Variants in CDH8 observed in about 807,000 individuals in gnomAD.
The protein encoded by CDH8 is cadherin-8.
Under a neutral mutation model 68.1 loss-of-function variants are expected in CDH8, and 17 were observed. The observed-to-expected ratio is 0.25, with a 90% CI of 0.17 to 0.37. CDH8 has a LOEUF of 0.37. Among genes scored for constraint, CDH8 ranks in the 10% least tolerant of loss-of-function variants. The probability of loss-of-function intolerance (pLI) is 1.00; values close to 1 mark genes in which losing one functional copy is unlikely to be tolerated. For missense variants in CDH8, 763 were observed against 999.3 expected (o/e 0.76, Z 3.19); for synonymous variants, 372 against 365.1 (o/e 1.02, Z -0.21).
At chr16:61,800,547 C>T (rs555425231) in intron 7 of CDH8, among the ~76,000 whole-genome samples, 1 of 152,262 alleles carries the variant, frequency 6.6e-6, no homozygotes, top group African/African-American at 2.4e-5. Context: ...GACTTCGACC[C>T]ATTAAGGACT....
chr16:61,821,478 T>C (rs1251515216), intron 5 of CDH8, among the ~76,000 whole-genome samples: 1 of 152,088 alleles, frequency 6.6e-6, no homozygotes, highest in African/African-American at 2.4e-5. Flanking sequence ...CATGGGGATA[T>C]TCGTCGTTGC....
chr16:61,817,076 G>T (rs558274173), intron 7 of CDH8, among the ~76,000 whole-genome samples: 1 of 152,124 alleles, frequency 6.6e-6, no homozygotes, highest in African/African-American at 2.4e-5. Flanking sequence ...CACCATAACT[G>T]TCAAAAGAGA....
intron 10 of CDH8, among the ~76,000 whole-genome samples, chr16:61,686,861 G>A (rs895634793): frequency 3.3e-5 from 5 of 151,740 alleles, no homozygotes; most frequent in African/African-American, 1.2e-4. Context: ...GTCCTTTTGA[G>A]GTTTGAAAGC....
chr16:61,944,115 T>C (rs1248500457), intron 2 of CDH8, among the ~76,000 whole-genome samples: 1 of 152,184 alleles, frequency 6.6e-6, no homozygotes, highest in African/African-American at 2.4e-5. Flanking sequence ...AGGAGAACCA[T>C]GGAGGCTTGG....
At chr16:61,749,882 C>T (rs1278637625) in intron 8 of CDH8, among the ~76,000 whole-genome samples, 2 of 151,958 alleles carry the variant, frequency 1.3e-5, no homozygotes, top group South Asian at 2.1e-4. Flanking sequence ...ACTTTACTGG[C>T]ACCTTTTAAA....
intron 1 of CDH8, among the ~76,000 whole-genome samples, chr16:62,028,061 A>ATT (rs768513131): frequency 1.2e-3 from 136 of 115,830 alleles, no homozygotes; most frequent in African/African-American, 1.9e-3. Context: ...TGTCAAATCC[A>ATT]TTTTTTTTTT....
intron 2 of CDH8, among the ~76,000 whole-genome samples, chr16:61,958,958 T>C (rs1194969178): frequency 6.6e-6 from 1 of 152,108 alleles, no homozygotes; most frequent in Non-Finnish European, 1.5e-5. Context: ...CCGTACAAAA[T>C]TCCCAGCTAC....
chr16:61,698,722 G>A (rs186276806), intron 10 of CDH8, among the ~76,000 whole-genome samples: 3 of 152,250 alleles, frequency 2.0e-5, no homozygotes, highest in African/African-American at 4.8e-5. Context: ...TAATCTCCAC[G>A]ACCAGGTTTG....
chr16:61,873,147 G>A (rs528859505), intron 3 of CDH8, among the ~76,000 whole-genome samples: 3 of 152,188 alleles, frequency 2.0e-5, no homozygotes, highest in African/African-American at 7.2e-5. Flanking sequence ...ATGTGTGTTC[G>A]TATTCGTAGA....
intron 2 of CDH8, among the ~76,000 whole-genome samples, chr16:61,959,984 G>GTATATATATATATATATATATATATATA (rs1181394965): frequency 2.2e-5 from 1 of 44,556 alleles, no homozygotes; most frequent in South Asian, 1.0e-3. Context: ...GTGTGTGTGT[G>GTATATATATATATATATATATATATATA]TATATATATA....
In CDH8 at chr16:61,821,082, C is replaced by T. The variant is rs772589874; in HGVS notation, c.867G>A (p.Val289=). ...CCCTTCCTATTGCAGTGCCAAGAAC[C>T]ACATCTTCCGGTACTGAGAAGTGAT... ...SLYHFSVPED[V]VLGTAIGRVK... Residue 289 remains valine, a synonymous_variant, in exon 6 of 12, where the codon GTG becomes GTA. Transcript: ENST00000577390. The T allele has an allele frequency of 6.2e-7, 1 of 1,612,118 alleles. No individual in the cohort carries two copies. Among genetic ancestry groups the T allele is most frequent in the Non-Finnish European group, 8.5e-7 (1 of 1,178,840 alleles).
chr16:61,855,889 T>G (rs1431937822), intron 4 of CDH8, among the ~76,000 whole-genome samples: 2 of 152,094 alleles, frequency 1.3e-5, no homozygotes, highest in South Asian at 2.1e-4. Context: ...GGGACCCAAA[T>G]GAGAAAAAGT....
At chr16:61,905,044 A>T (rs961083741) in intron 2 of CDH8, among the ~76,000 whole-genome samples, 1 of 152,202 alleles carries the variant, frequency 6.6e-6, no homozygotes, top group Non-Finnish European at 1.5e-5. Flanking sequence ...TCATCTGGAA[A>T]CCAAATTCCC....
chr16:61,780,438 T>C (rs1961019966), intron 8 of CDH8, among the ~76,000 whole-genome samples: 1 of 152,246 alleles, frequency 6.6e-6, no homozygotes, highest in African/African-American at 2.4e-5. Flanking sequence ...GGATAAAGAA[T>C]GACATCTCCA....
At chr16:61,693,640 T>C (rs762620284) in intron 10 of CDH8, 5 of 152,148 alleles carry the variant, frequency 3.3e-5, no homozygotes, top group Non-Finnish European at 7.4e-5. Context: ...TATTATCATA[T>C]GAGTTATGCA....
At chr16:61,674,037 T>C (rs1963847070) in intron 10 of CDH8, among the ~76,000 whole-genome samples, 1 of 152,092 alleles carries the variant, frequency 6.6e-6, no homozygotes. Flanking sequence ...ACTGTGACTA[T>C]CATAGGGTTG....
chr16:61,982,231 T>C (rs1487146971), intron 2 of CDH8, among the ~76,000 whole-genome samples: 1 of 152,192 alleles, frequency 6.6e-6, no homozygotes, highest in Non-Finnish European at 1.5e-5. Flanking sequence ...ATTTTCTTTT[T>C]TTTTTTAAGA....
intron 8 of CDH8, among the ~76,000 whole-genome samples, chr16:61,746,153 T>G (rs1054497810): frequency 1.3e-5 from 2 of 152,076 alleles, no homozygotes; most frequent in African/African-American, 2.4e-5. Flanking sequence ...TTCTTGCACA[T>G]GTTAAGATGT....
In CDH8 at chr16:62,036,139, G is replaced by T. The variant is rs1472976377; in HGVS notation, c.-259C>A. 1 of 152,294 alleles carries T rather than the reference G, an allele frequency of 6.6e-6. No homozygotes were observed. Among genetic ancestry groups the T allele is most frequent in the Non-Finnish European group, 1.5e-5 (1 of 68,118 alleles). 9.4% of individuals were successfully genotyped at this position (152,294 alleles called of 1,614,324 possible). ...TCCAGGTTCACAAATGGCTGGAGGTGCTCGGGGTTAGCTCCCGAGGGCGGC... is the reference window on the plus strand; with the variant it reads ...TCCAGGTTCACAAATGGCTGGAGGTTCTCGGGGTTAGCTCCCGAGGGCGGC... On this transcript the variant is annotated 5_prime_UTR_variant, in exon 1 of 12. Coordinates refer to ENST00000577390, the MANE Select transcript of CDH8 (RefSeq NM_001796.5).
Sources: allele counts gnomAD v4.1 joint callset (sites outside exome capture counted in the v4.1 genomes callset), GRCh38; gene constraint gnomAD v4.1.1; transcripts MANE v1.5; gene names NCBI Gene and HGNC (gene_info 2026-07-23, HGNC 2026-07-21).